Variants in ANGPT1 observed in about 807,000 individuals in gnomAD.
ANGPT1 encodes angiopoietin 1.
Under a neutral mutation model 62.2 loss-of-function variants are expected in ANGPT1, and 17 were observed. That is an observed-to-expected ratio of 0.27 (90% CI 0.19 to 0.41). ANGPT1 has a LOEUF of 0.41. Among genes scored for constraint, ANGPT1 ranks in the 10% least tolerant of loss-of-function variants. The pLI, the probability that ANGPT1 is intolerant of heterozygous loss-of-function variation, is 1.00. For missense variants in ANGPT1, 478 were observed against 594.9 expected (o/e 0.80, Z 2.04); for synonymous variants, 199 against 198.9 (o/e 1.00, Z 0.00).
intron 1 of ANGPT1, among the ~76,000 whole-genome samples, chr8:107,375,045 A>G (rs1215583545): frequency 6.6e-6 from 1 of 152,122 alleles, no homozygotes; most frequent in African/African-American, 2.4e-5. Flanking sequence ...CTACAGTCCC[A>G]GCTACTCAGG....
intron 2 of ANGPT1, among the ~76,000 whole-genome samples, chr8:107,344,470 T>C (rs1208176435): frequency 6.6e-6 from 1 of 152,228 alleles, no homozygotes; most frequent in East Asian, 1.9e-4. Context: ...AGCAGAGTTA[T>C]TCAGATGTGG....
intron 3 of ANGPT1, among the ~76,000 whole-genome samples, chr8:107,333,996 GGGAA>G (rs1228905079): frequency 7.8e-4 from 55 of 70,518 alleles, no homozygotes; most frequent in African/African-American, 1.5e-3. Context: ...GAGGGAGGGA[GGGAA>G]GGAAGGAAGG....
intron 1 of ANGPT1, among the ~76,000 whole-genome samples, chr8:107,379,490 A>G (rs1816593894): frequency 6.6e-6 from 1 of 152,172 alleles, no homozygotes; most frequent in Non-Finnish European, 1.5e-5. Context: ...ATATTTATGA[A>G]AAGCCTGATG....
chr8:107,493,429 A>C (rs1813016497), intron 1 of ANGPT1, among the ~76,000 whole-genome samples: 1 of 150,472 alleles, frequency 6.6e-6, no homozygotes, highest in Non-Finnish European at 1.5e-5. Flanking sequence ...GATGAATTGG[A>C]GTGACTAGAG....
intron 8 of ANGPT1, among the ~76,000 whole-genome samples, chr8:107,253,192 A>G (rs1005209620): frequency 1.3e-4 from 20 of 152,222 alleles, no homozygotes; most frequent in South Asian, 2.1e-4. Flanking sequence ...GAATTTGGAA[A>G]GACATTATAT....
At chr8:107,354,779 G>A (rs1004040157) in intron 1 of ANGPT1, among the ~76,000 whole-genome samples, 11 of 152,030 alleles carry the variant, frequency 7.2e-5, no homozygotes, top group African/African-American at 2.4e-4. Flanking sequence ...TCTCCAACAC[G>A]ACTTGGCTTT....
chr8:107,428,670 T>G (rs914759728), intron 1 of ANGPT1, among the ~76,000 whole-genome samples: 1 of 151,890 alleles, frequency 6.6e-6, no homozygotes, highest in African/African-American at 2.4e-5. Context: ...TTTCGAGTGC[T>G]ATAACTAAAC....
At chr8:107,478,052 A>T (rs1797214795) in intron 1 of ANGPT1, among the ~76,000 whole-genome samples, 2 of 141,852 alleles carry the variant, frequency 1.4e-5, no homozygotes, top group Non-Finnish European at 3.1e-5. Flanking sequence ...CTGTTCCAAA[A>T]TATTTCTCCT....
chr8:107,322,050 G>C lies in ANGPT1; in HGVS notation c.654C>G (p.Asn218Lys), dbSNP rs780729451. 2 of 1,613,850 alleles carry C rather than the reference G, an allele frequency of 1.2e-6. No individual in the cohort carries two copies. The highest frequency in any genetic ancestry group is 1.7e-6 in the Non-Finnish European group (2 of 1,179,878). ...ELDTLKEEKENLQGLVTRQTY... is the reference protein window; with the variant it reads ...ELDTLKEEKEKLQGLVTRQTY... ...TTTGACGAGTAACCAAGCCTTGAAG[G>C]TTCTCTTTCTCTTCCTTTAAGGTGT... Residue 218 changes from asparagine to lysine, a missense_variant, in exon 4 of 9, where the codon AAC (asparagine) becomes AAG (lysine). Asn to Lys is a moderately conservative substitution (Grantham distance 94, BLOSUM62 0). This residue lies in a region of ANGPT1 where 343 missense variants were observed against 355.4 expected (regional missense o/e 0.97). Coordinates refer to ENST00000517746, the MANE Select transcript of ANGPT1 (RefSeq NM_001146.5).
At chr8:107,359,351 G>T (rs1816112672) in intron 1 of ANGPT1, among the ~76,000 whole-genome samples, 1 of 152,092 alleles carries the variant, frequency 6.6e-6, no homozygotes, top group South Asian at 2.1e-4. Context: ...GCTGTGTAAT[G>T]AATCTTCCCC....
intron 1 of ANGPT1, among the ~76,000 whole-genome samples, chr8:107,442,225 A>C (rs1234774279): frequency 6.6e-6 from 1 of 152,244 alleles, no homozygotes; most frequent in Non-Finnish European, 1.5e-5. Flanking sequence ...TAAAGTGATC[A>C]TGAGTATGAC....
intron 5 of ANGPT1, 65 bp from the exon 6 acceptor site, chr8:107,294,102 G>GTTT (rs1400243411): frequency 1.5e-6 from 2 of 1,339,670 alleles, no homozygotes; most frequent in African/African-American, 2.9e-5. Flanking sequence ...TATCCTACAT[G>GTTT]TTTCAAAATA....
intron 7 of ANGPT1, among the ~76,000 whole-genome samples, chr8:107,273,353 T>C (rs1813784275): frequency 6.6e-6 from 1 of 152,070 alleles, no homozygotes; most frequent in Non-Finnish European, 1.5e-5. Flanking sequence ...TTGTTGTACT[T>C]GGACATTGTA....
At chr8:107,371,037 G>A (rs1047471780) in intron 1 of ANGPT1, among the ~76,000 whole-genome samples, 1 of 151,922 alleles carries the variant, frequency 6.6e-6, no homozygotes, top group Non-Finnish European at 1.5e-5. Flanking sequence ...AGGTAGGCCT[G>A]TACTAAATTT....
At chr8:107,299,434 T>G (rs1814505821) in intron 5 of ANGPT1, among the ~76,000 whole-genome samples, 1 of 139,396 alleles carries the variant, frequency 7.2e-6, no homozygotes. Flanking sequence ...CATACATATA[T>G]ATACTAAGCA....
At chr8:107,263,097 T>C (rs1013826756) in intron 8 of ANGPT1, among the ~76,000 whole-genome samples, 1 of 148,846 alleles carries the variant, frequency 6.7e-6, no homozygotes, top group Non-Finnish European at 1.5e-5. Context: ...CTCATGCCTC[T>C]AATCCCAGCA....
At chr8:107,396,456 C>G (rs1165489350) in intron 1 of ANGPT1, among the ~76,000 whole-genome samples, 1 of 148,328 alleles carries the variant, frequency 6.7e-6, no homozygotes, top group East Asian at 2.0e-4. Flanking sequence ...ACATTAAAAT[C>G]AAACATAACT....
At chr8:107,310,982 A>T (rs201954540) in intron 4 of ANGPT1, among the ~76,000 whole-genome samples, 1 of 82,740 alleles carries the variant, frequency 1.2e-5, no homozygotes. Context: ...TGTGTATGTG[A>T]GTGTGTGTGT....
chr8:107,449,093 A>G (rs1811693708), intron 1 of ANGPT1, among the ~76,000 whole-genome samples: 1 of 152,088 alleles, frequency 6.6e-6, no homozygotes, highest in African/African-American at 2.4e-5. Context: ...TCTAGTCAAA[A>G]TAAAAGGGAA....
Sources: allele counts gnomAD v4.1 joint callset (sites outside exome capture counted in the v4.1 genomes callset), GRCh38; gene constraint gnomAD v4.1.1; regional missense constraint gnomAD v4.1.1; transcripts MANE v1.5; gene names NCBI Gene and HGNC (gene_info 2026-07-23, HGNC 2026-07-21).